The following CDH8 variants were observed in gnomAD, a reference collection of about 807,000 sequenced individuals.
CDH8 encodes the protein cadherin-8.
Under a neutral mutation model 68.1 loss-of-function variants are expected in CDH8, and 17 were observed. The observed-to-expected ratio is 0.25, with a 90% CI of 0.17 to 0.37. The LOEUF is 0.37. Among genes scored for constraint, CDH8 ranks in the 10% least tolerant of loss-of-function variants. CDH8 has a pLI of 1.00. For missense variants in CDH8, 763 were observed against 999.3 expected (o/e 0.76, Z 3.19); for synonymous variants, 372 against 365.1 (o/e 1.02, Z -0.21).
chr16:61,942,941 T>C (rs1261563853), intron 2 of CDH8, among the ~76,000 whole-genome samples: 2 of 152,108 alleles, frequency 1.3e-5, no homozygotes, highest in African/African-American at 4.8e-5. Flanking sequence ...ATGCCTGTAG[T>C]CCCAGCTATT....
At chr16:61,739,984 T>C (rs993509196) in intron 8 of CDH8, among the ~76,000 whole-genome samples, 9 of 149,088 alleles carry the variant, frequency 6.0e-5, no homozygotes, top group African/African-American at 2.0e-4. Context: ...CTCGGCTCAC[T>C]GCAACCTCCA....
At chr16:61,821,339 C>A (rs1962210971) in intron 5 of CDH8, among the ~76,000 whole-genome samples, 2 of 152,038 alleles carry the variant, frequency 1.3e-5, no homozygotes, top group African/African-American at 4.8e-5. Context: ...CTTTTCAAGG[C>A]TCTTCTGAGA....
Position 61,652,964 on chromosome 16 carries a change from T to C in CDH8, c.*644A>G. 6.6e-7 allele frequency: 1 copy of C among 1,515,772 alleles called. No individual in the cohort carries two copies. Among genetic ancestry groups the C allele is most frequent in the Non-Finnish European group, 8.8e-7 (1 of 1,138,232 alleles). 93.9% of individuals were successfully genotyped at this position (1,515,772 alleles called of 1,614,324 possible). ...ACCACTGAATTGGCAAGCCCCACCCTGGAATGGATTACGAACATGTGAATA... is the reference window on the plus strand; with the variant it reads ...ACCACTGAATTGGCAAGCCCCACCCCGGAATGGATTACGAACATGTGAATA... On this transcript the variant is annotated 3_prime_UTR_variant, in exon 12 of 12. Coordinates refer to ENST00000577390, the MANE Select transcript of CDH8 (RefSeq NM_001796.5).
At chr16:61,711,761 C>T (rs1313148976) in intron 10 of CDH8, 1 of 151,668 alleles carries the variant, frequency 6.6e-6, no homozygotes, top group African/African-American at 2.4e-5. Context: ...AATCCAAAAT[C>T]ACAGTGAACA....
chr16:61,892,277 G>C (rs962521625), intron 3 of CDH8, among the ~76,000 whole-genome samples: 5 of 152,120 alleles, frequency 3.3e-5, no homozygotes, highest in African/African-American at 1.2e-4. Flanking sequence ...ATTCTCATTA[G>C]ATATGTGTCT....
chr16:61,978,692 C>A (rs963664534), intron 2 of CDH8, among the ~76,000 whole-genome samples: 1 of 152,158 alleles, frequency 6.6e-6, no homozygotes, highest in Non-Finnish European at 1.5e-5. Flanking sequence ...CTTGGGCAAG[C>A]TCGTGTATGT....
At chr16:62,013,686 A>G (rs1901871176) in intron 2 of CDH8, among the ~76,000 whole-genome samples, 2 of 152,302 alleles carry the variant, frequency 1.3e-5, no homozygotes, top group South Asian at 4.1e-4. Context: ...CTATTCTGTC[A>G]CGTGAATATG....
At chr16:61,972,487 A>C (rs1244097317) in intron 2 of CDH8, among the ~76,000 whole-genome samples, 1 of 151,868 alleles carries the variant, frequency 6.6e-6, no homozygotes, top group Non-Finnish European at 1.5e-5. Context: ...TCGTGTTGAG[A>C]TCTACTGTGT....
rs984623883 is a variant in CDH8, at chr16:61,856,005, C to T, written c.667+1114G>A. Among the ~76,000 whole-genome samples, 15 of 152,018 alleles carry T rather than the reference C, an allele frequency of 9.9e-5. No individual in the cohort carries two copies. The South Asian group carries it at 1.2e-3, about 13-fold the overall frequency. On this transcript the variant is annotated intron_variant, in intron 4 of 11. Transcript: ENST00000577390. ...GTTTCCAAATCTAAATTCAATTTTA[C>T]GCCCTGACCTATTTATATATAAATG...
intron 10 of CDH8, among the ~76,000 whole-genome samples, chr16:61,705,090 AGT>A (rs1964503504): frequency 6.6e-6 from 1 of 152,226 alleles, no homozygotes; most frequent in Non-Finnish European, 1.5e-5. Context: ...AAAGGCAATG[AGT>A]AACCCAAAAA....
intron 11 of CDH8, among the ~76,000 whole-genome samples, chr16:61,655,262 C>A (rs1596834506): frequency 6.6e-6 from 1 of 152,286 alleles, no homozygotes; most frequent in East Asian, 1.9e-4. Flanking sequence ...TTGAAAAAGG[C>A]ACTGAAAGTC....
chr16:61,832,025 T>G (rs1313495780), intron 4 of CDH8, among the ~76,000 whole-genome samples: 1 of 151,744 alleles, frequency 6.6e-6, no homozygotes, highest in African/African-American at 2.4e-5. Flanking sequence ...GGGGGGGTCA[T>G]GTACTGCACC....
intron 2 of CDH8, among the ~76,000 whole-genome samples, chr16:61,965,416 C>T (rs966244503): frequency 6.6e-6 from 1 of 152,130 alleles, no homozygotes; most frequent in African/African-American, 2.4e-5. Flanking sequence ...CAGGGCCAGG[C>T]GTGGGGCAGT....
At chr16:61,824,872 C>G in intron 5 of CDH8, 140 bp downstream of exon 5, 1 of 689,816 alleles carries the variant, frequency 1.4e-6, no homozygotes, top group Non-Finnish European at 2.4e-6. Flanking sequence ...AAGTTTAGTA[C>G]CAAAATCATG....
intron 10 of CDH8, among the ~76,000 whole-genome samples, chr16:61,663,731 C>T (rs759328945): frequency 1.3e-5 from 2 of 151,976 alleles, no homozygotes; most frequent in African/African-American, 2.4e-5. Context: ...GTCTACATAC[C>T]TAACTACCTA....
intron 7 of CDH8, among the ~76,000 whole-genome samples, chr16:61,792,936 G>A (rs561805067): frequency 3.8e-4 from 58 of 152,032 alleles, no homozygotes; most frequent in African/African-American, 1.2e-3. Flanking sequence ...CCCAAACTGG[G>A]ACACAACATT....
At chr16:62,011,643 A>T (rs778944908) in intron 2 of CDH8, among the ~76,000 whole-genome samples, 16 of 148,784 alleles carry the variant, frequency 1.1e-4, no homozygotes, top group Admixed American at 2.7e-4. Flanking sequence ...TAAAGCCTTT[A>T]ATGTGCATAA....
At position 61,975,488 on chromosome 16, in the gene CDH8, C is replaced by A. The variant is rs373031577; in HGVS notation, c.252+45664G>T. On this transcript the variant is annotated intron_variant, in intron 2 of 11. Transcript: ENST00000577390. ...TCTAGTGTATGCCATAGGCTAAGCA[C>A]AGGGACTGCCATGTAGTATGTAACT... Among the ~76,000 whole-genome samples, 5 of 152,218 alleles carry A rather than the reference C, an allele frequency of 3.3e-5. No individual in the cohort carries two copies. The East Asian group carries it at 7.7e-4, about 24-fold the overall frequency.
At chr16:61,833,984 A>G (rs1462174183) in intron 4 of CDH8, among the ~76,000 whole-genome samples, 1 of 151,938 alleles carries the variant, frequency 6.6e-6, no homozygotes, top group African/African-American at 2.4e-5. Context: ...TATGAAAGCC[A>G]TGTCATAATT....
Sources: allele counts gnomAD v4.1 joint callset (sites outside exome capture counted in the v4.1 genomes callset), GRCh38; gene constraint gnomAD v4.1.1; transcripts MANE v1.5; gene names NCBI Gene and HGNC (gene_info 2026-07-23, HGNC 2026-07-21).